STPG2: variants seen among roughly 807,000 people sequenced by gnomAD.
STPG2 encodes sperm tail PG-rich repeat containing 2.
Under a neutral mutation model 54.2 loss-of-function variants are expected in STPG2, and 56 were observed. That is an observed-to-expected ratio of 1.03 (90% CI 0.83 to 1.29). STPG2 has a LOEUF of 1.29. Among genes scored for constraint, STPG2 ranks in the 50% most tolerant of loss-of-function variants. The pLI is 0.00. For missense variants in STPG2, 596 were observed against 544.9 expected (o/e 1.09, Z -0.93); for synonymous variants, 200 against 181.8 (o/e 1.10, Z -0.81).
chr4:97,546,088 G>C (rs1731827583), intron 4 of STPG2, among the ~76,000 whole-genome samples: 1 of 151,688 alleles, frequency 6.6e-6, no homozygotes, highest in South Asian at 2.1e-4. Flanking sequence ...ATCTTTAGGA[G>C]GCTATATAGA....
chr4:97,949,804 G>A (rs968645817), intron 7 of STPG2, among the ~76,000 whole-genome samples: 1 of 152,124 alleles, frequency 6.6e-6, no homozygotes, highest in African/African-American at 2.4e-5. Context: ...TTTGCCTCAT[G>A]GCTCTTAGAA....
chr4:97,477,279 A>G (rs1730095067), intron 4 of STPG2, among the ~76,000 whole-genome samples: 1 of 152,220 alleles, frequency 6.6e-6, no homozygotes, highest in African/African-American at 2.4e-5. Flanking sequence ...GGGGTCATTT[A>G]TAATGACAAT....
intron 4 of STPG2, among the ~76,000 whole-genome samples, chr4:97,467,946 G>A (rs1027598193): frequency 1.3e-5 from 2 of 150,762 alleles, no homozygotes; most frequent in Non-Finnish European, 3.0e-5. Flanking sequence ...AGACTGTAGA[G>A]AATAAACATT....
intron 7 of STPG2, among the ~76,000 whole-genome samples, chr4:97,964,279 A>G (rs1282971441): frequency 6.6e-6 from 1 of 152,204 alleles, no homozygotes; most frequent in African/African-American, 2.4e-5. Flanking sequence ...AAATGGGAGA[A>G]AAACTGTGAG....
At chr4:97,937,849 G>A (rs966622513) in intron 8 of STPG2, among the ~76,000 whole-genome samples, 3 of 152,168 alleles carry the variant, frequency 2.0e-5, no homozygotes, top group Non-Finnish European at 4.4e-5. Context: ...GTTGGGGGCT[G>A]CTGCACAACT....
At chr4:97,987,382 G>A (rs937977270) in intron 5 of STPG2, among the ~76,000 whole-genome samples, 1 of 152,072 alleles carries the variant, frequency 6.6e-6, no homozygotes, top group Non-Finnish European at 1.5e-5. Flanking sequence ...CTTTTTAAAT[G>A]TATGTAAATC....
intron 9 of STPG2, among the ~76,000 whole-genome samples, chr4:97,802,300 T>C (rs2149090788): frequency 6.6e-6 from 1 of 152,268 alleles, no homozygotes; most frequent in South Asian, 2.1e-4. Flanking sequence ...CTAGAGAACA[T>C]TTGACAACTG....
At chr4:98,073,856 G>T (rs1261998713) in intron 5 of STPG2, among the ~76,000 whole-genome samples, 1 of 152,060 alleles carries the variant, frequency 6.6e-6, no homozygotes, top group Non-Finnish European at 1.5e-5. Context: ...GTAAAATTTG[G>T]AAGGAGACAA....
intron 6 of STPG2, among the ~76,000 whole-genome samples, chr4:97,973,354 G>A (rs984551612): frequency 4.6e-5 from 7 of 152,200 alleles, no homozygotes; most frequent in African/African-American, 1.7e-4. Context: ...GTATCTGGCA[G>A]AAGAAATTTC....
At chr4:98,079,636 C>A (rs1370015783) in intron 5 of STPG2, among the ~76,000 whole-genome samples, 1 of 152,064 alleles carries the variant, frequency 6.6e-6, no homozygotes, top group Admixed American at 6.6e-5. Context: ...TTAAAAATAA[C>A]CTTGCTAGCA....
At chr4:97,777,486 A>C (rs1394228660) in intron 9 of STPG2, among the ~76,000 whole-genome samples, 1 of 152,250 alleles carries the variant, frequency 6.6e-6, no homozygotes, top group Non-Finnish European at 1.5e-5. Flanking sequence ...TGCTATAAGA[A>C]AAGCAATGCA....
At chr4:97,527,927 A>C (rs1731320128) in intron 4 of STPG2, among the ~76,000 whole-genome samples, 1 of 151,752 alleles carries the variant, frequency 6.6e-6, no homozygotes, top group South Asian at 2.1e-4. Context: ...AGATTTCAAA[A>C]TTTTTCTCCC....
intron 9 of STPG2, among the ~76,000 whole-genome samples, chr4:97,829,262 C>T (rs963508029): frequency 2.0e-5 from 3 of 152,150 alleles, no homozygotes; most frequent in African/African-American, 7.2e-5. Flanking sequence ...CAGAAAACTC[C>T]AGCAGACCTG....
intron 10 of STPG2, among the ~76,000 whole-genome samples, chr4:97,579,894 A>G (rs1261212084): frequency 1.3e-5 from 2 of 152,094 alleles, no homozygotes; most frequent in Non-Finnish European, 2.9e-5. Flanking sequence ...TTGTAGACTT[A>G]TACATATAGC....
Position 97,603,711 on chromosome 4 carries a change from G to A in STPG2, c.1321-44594C>T, listed in dbSNP as rs547671311. ...CATGGATGAACCTTGAGGGTCTCAT[G>A]GTAAGTAAAATAAGTCAGTCACAAA... is the stretch of plus-strand genomic sequence containing the variant. On this transcript the variant is annotated intron_variant, in intron 10 of 10. Coordinates refer to ENST00000295268, the MANE Select transcript of STPG2 (RefSeq NM_174952.3). Among the ~76,000 whole-genome samples, 150 of 151,688 alleles carry A rather than the reference G, an allele frequency of 9.9e-4. No homozygotes were observed. The Middle Eastern group carries it at 0.01, about 10-fold the overall frequency.
At chr4:97,604,648 G>C (rs1404840270) in intron 10 of STPG2, among the ~76,000 whole-genome samples, 1 of 151,660 alleles carries the variant, frequency 6.6e-6, no homozygotes, top group East Asian at 1.9e-4. Flanking sequence ...ATATTTCGTT[G>C]ACTCATTTTT....
intron 4 of STPG2, among the ~76,000 whole-genome samples, chr4:97,549,256 T>C (rs998639115): frequency 1.3e-5 from 2 of 152,194 alleles, no homozygotes; most frequent in South Asian, 2.1e-4. Context: ...TAAAATAATA[T>C]TTCATACATA....
chr4:97,695,791 C>G (rs1041267017), intron 10 of STPG2, among the ~76,000 whole-genome samples: 2 of 150,102 alleles, frequency 1.3e-5, no homozygotes, highest in African/African-American at 4.9e-5. Context: ...ATATATCTAA[C>G]CAAACCAAGG....
chr4:97,854,111 C>T (rs990636572), intron 8 of STPG2, among the ~76,000 whole-genome samples: 3 of 152,140 alleles, frequency 2.0e-5, no homozygotes, highest in Non-Finnish European at 4.4e-5. Flanking sequence ...TAGGCATGAG[C>T]CACTATTCTT....
Sources: allele counts gnomAD v4.1 joint callset (sites outside exome capture counted in the v4.1 genomes callset), GRCh38; gene constraint gnomAD v4.1.1; transcripts MANE v1.5; gene names NCBI Gene and HGNC (gene_info 2026-07-23, HGNC 2026-07-21).